ADCY1: variants seen among roughly 807,000 people sequenced by gnomAD.
ADCY1 encodes adenylate cyclase 1.
A neutral mutation model predicts 105.4 loss-of-function variants in ADCY1; 28 were observed. The observed-to-expected ratio is 0.27, with a 90% confidence interval of 0.20 to 0.36. ADCY1 has a LOEUF of 0.36. ADCY1 is among the 10% of genes least tolerant of loss of function. The pLI, the probability that ADCY1 is intolerant of heterozygous loss-of-function variation, is 1.00. For missense variants in ADCY1, 977 were observed against 1,434.2 expected, an observed-to-expected ratio of 0.68 and a Z score of 5.15; for synonymous variants, 655 against 623.8, an observed-to-expected ratio of 1.05 and a Z score of -0.75.
chr7:45,610,382 C>A lies in ADCY1; in HGVS notation c.793C>A (p.Arg265=), dbSNP rs78636118. 6.2e-6 allele frequency: 10 copies of A among 1,613,186 alleles called. No homozygotes were observed. In the African/African-American group the frequency reaches 6.7e-5, roughly 11 times the overall value. ...CGGGCCCTTCTCTTCTGTCCAGGAG[C>A]GGCTCCTCATGAGCCTCCTGCCCCG... ...RLEDENEKQE[R]LLMSLLPRNV... Residue 265 remains arginine, a synonymous_variant, in exon 3 of 20, where the codon CGG becomes AGG. Transcript: ENST00000297323.
chr7:45,713,842 C>T lies in ADCY1; in HGVS notation c.3207C>T (p.Gly1069=). Residue 1069 remains glycine (G), a synonymous_variant, in exon 20 of 20, where the codon GGC becomes GGT. Coordinates refer to ENST00000297323, the MANE Select transcript of ADCY1 (RefSeq NM_021116.4). ...DGNGSQIRSL[G]LDRKMCPFGR... ...ACGGCTCCCAAATCAGGTCCCTGGG[C>T]TTGGATCGGAAAATGTGTCCATTTG... is the stretch of plus-strand genomic sequence containing the variant. The T allele has an allele frequency of 1.3e-6, 1 of 780,878 alleles. No homozygotes were observed. The highest frequency in any genetic ancestry group is 2.4e-6 in the Non-Finnish European group (1 of 418,146). The allele number at this position is 780,878 out of a possible 1,614,324, so 48.4% of individuals were successfully genotyped here.
intron 1 of ADCY1, among the ~76,000 whole-genome samples, chr7:45,592,111 C>G (rs1246271800): frequency 6.7e-6 from 1 of 150,356 alleles, no homozygotes; most frequent in African/African-American, 2.5e-5. Flanking sequence ...TTTGTGCAGG[C>G]TTTGTGGGAA....
intron 8 of ADCY1, among the ~76,000 whole-genome samples, chr7:45,672,327 T>C (rs1413224309): frequency 6.6e-6 from 1 of 152,212 alleles, no homozygotes; most frequent in Admixed American, 6.5e-5. Flanking sequence ...AACACCATAC[T>C]GTCTTGATTA....
intron 5 of ADCY1, among the ~76,000 whole-genome samples, chr7:45,649,782 G>C (rs1794760684): frequency 6.6e-6 from 1 of 152,232 alleles, no homozygotes. Flanking sequence ...GCCGAGCCCT[G>C]TGGGGCAGCG....
intron 14 of ADCY1, among the ~76,000 whole-genome samples, chr7:45,702,339 GC>G (rs1221755846): frequency 1.3e-5 from 2 of 152,342 alleles, no homozygotes; most frequent in Admixed American, 1.3e-4. Flanking sequence ...GGAAACCACG[GC>G]ACAGTGAGGC....
At position 45,719,008 on chromosome 7, in the gene ADCY1, A is replaced by C. The variant is rs903053975; in HGVS notation, c.*5013A>C. ...CACACGGGGTTTGTCTGTAAGCTGC[A>C]GTGTCTGTGATTCTGTGTGAACTGA... On this transcript the variant is annotated 3_prime_UTR_variant, in exon 20 of 20. Transcript: ENST00000297323. The C allele has an allele frequency of 6.5e-6, 1 of 152,864 alleles. No individual in the cohort carries two copies. The highest frequency in any genetic ancestry group is 2.4e-5 in the African/African-American group (1 of 41,472). 9.5% of individuals were successfully genotyped at this position (152,864 alleles called of 1,614,324 possible).
At position 45,717,087 on chromosome 7, in the gene ADCY1, A is replaced by C. The variant is rs1221693387; in HGVS notation, c.*3092A>C. Reference sequence around the variant, plus strand: ...GCGACACCTTGGTTTGGCCTGTGAGACTGAGAAGAGAGCCAGCCACGCCAT... The same window carrying C: ...GCGACACCTTGGTTTGGCCTGTGAGCCTGAGAAGAGAGCCAGCCACGCCAT... On this transcript the variant is annotated 3_prime_UTR_variant, in exon 20 of 20. Coordinates refer to ENST00000297323, the MANE Select transcript of ADCY1 (RefSeq NM_021116.4). 1 of 152,250 alleles carries C rather than the reference A, an allele frequency of 6.6e-6. No individual in the cohort carries two copies. The highest frequency in any genetic ancestry group is 1.5e-5 in the Non-Finnish European group (1 of 68,090). 9.4% of individuals were successfully genotyped at this position (152,250 alleles called of 1,614,324 possible). A position where few individuals can be genotyped will look rare whatever the true frequency, so the allele number is the denominator to read the frequency against.
chr7:45,661,660 A>G (rs1795109635), intron 7 of ADCY1, among the ~76,000 whole-genome samples: 1 of 152,022 alleles, frequency 6.6e-6, no homozygotes. Context: ...AGCCCTCCCC[A>G]TCCTCCCCAT....
At chr7:45,699,398 C>T (rs149789325) in intron 14 of ADCY1, among the ~76,000 whole-genome samples, 1 of 152,142 alleles carries the variant, frequency 6.6e-6, no homozygotes, top group Non-Finnish European at 1.5e-5. Flanking sequence ...AGTCCCCCAT[C>T]TCTGTGAGGT....
intron 4 of ADCY1, among the ~76,000 whole-genome samples, chr7:45,625,185 CAGGG>C (rs1794016893): frequency 1.3e-5 from 2 of 152,164 alleles, no homozygotes; most frequent in Admixed American, 1.3e-4. Context: ...TGCCACTGTC[CAGGG>C]TGTATGGGCG....
intron 4 of ADCY1, among the ~76,000 whole-genome samples, chr7:45,635,634 A>C (rs1794384037): frequency 1.0e-5 from 1 of 99,926 alleles, no homozygotes; most frequent in African/African-American, 4.3e-5. Flanking sequence ...TTTTTTCCAG[A>C]CCCATGGGTT....
Position 45,710,814 on chromosome 7 carries a change from C to T in ADCY1, c.3057+162C>T, listed in dbSNP as rs573439249. Among the ~76,000 whole-genome samples the T allele has an allele frequency of 7.9e-5, 12 of 152,266 alleles. No homozygotes were observed. Among genetic ancestry groups the T allele is most frequent in the Non-Finnish European group, 1.3e-4 (9 of 68,020 alleles). On this transcript the variant is annotated intron_variant, in intron 19 of 19. Coordinates refer to ENST00000297323, the MANE Select transcript of ADCY1 (RefSeq NM_021116.4). This position sits in a 1 kb window ranked among gnomAD's most constrained non-coding sequence, Gnocchi z 4.7. ...GTCTGCTCTGGAGGGCATCCTGGCCCGGGCATCTTGATTTTGCTGTTTGGT... is the reference window on the plus strand; with the variant it reads ...GTCTGCTCTGGAGGGCATCCTGGCCTGGGCATCTTGATTTTGCTGTTTGGT...
At chr7:45,682,055 C>T (rs968370285) in intron 11 of ADCY1, among the ~76,000 whole-genome samples, 4 of 152,174 alleles carry the variant, frequency 2.6e-5, no homozygotes, top group African/African-American at 9.7e-5. Context: ...CTCAGGGTTG[C>T]CCTCTGTGAA....
intron 1 of ADCY1, among the ~76,000 whole-genome samples, chr7:45,588,220 C>T (rs916070138): frequency 3.9e-5 from 6 of 152,134 alleles, no homozygotes; most frequent in South Asian, 2.1e-4. Context: ...TCCTTTGATA[C>T]ACCCCCTCCC....
At chr7:45,671,809 G>A (rs1784372961) in intron 8 of ADCY1, among the ~76,000 whole-genome samples, 1 of 152,018 alleles carries the variant, frequency 6.6e-6, no homozygotes, top group Non-Finnish European at 1.5e-5. Context: ...ATTTTTGAGA[G>A]TTCATGGTAT....
At chr7:45,662,325 C>T in intron 8 of ADCY1, 111 bp downstream of exon 8, 1 of 1,203,206 alleles carries the variant, frequency 8.3e-7, no homozygotes, top group Non-Finnish European at 1.1e-6. Context: ...TCCCTGTTCA[C>T]ATGTGGATAA....
rs1785145606 is a variant in ADCY1, at chr7:45,707,571, C to T, written c.2818-779C>T. Reference sequence around the variant, plus strand: ...AGGGAGGATTTTCAGGGCAGTGAAACTGTTGTATGTAATACTGTCATAGTG... The same window carrying T: ...AGGGAGGATTTTCAGGGCAGTGAAATTGTTGTATGTAATACTGTCATAGTG... On this transcript the variant is annotated intron_variant, in intron 17 of 19. Coordinates refer to ENST00000297323, the MANE Select transcript of ADCY1 (RefSeq NM_021116.4). Among the ~76,000 whole-genome samples the T allele has an allele frequency of 2.6e-5, 4 of 152,254 alleles. No homozygotes were observed. The South Asian group carries it at 8.3e-4, about 32-fold the overall frequency.
chr7:45,703,516 C>G lies in ADCY1; in HGVS notation c.2571+24C>G, dbSNP rs760163601. ...TGGTGAGCACCCAGCCTGCTCCTGG[C>G]CAGCACTAGCCCTACACTGCTCTGG... On this transcript the variant is annotated intron_variant, in intron 15 of 19. Coordinates refer to ENST00000297323, the MANE Select transcript of ADCY1 (RefSeq NM_021116.4). This position sits in a 1 kb window ranked among gnomAD's most constrained non-coding sequence, Gnocchi z 5.9. 2 of 1,613,752 alleles carry G rather than the reference C, an allele frequency of 1.2e-6. No homozygotes were observed. The highest frequency in any genetic ancestry group is 3.3e-5 in the Admixed American group (2 of 59,974).
At chr7:45,649,811 A>G (rs1794761666) in intron 5 of ADCY1, among the ~76,000 whole-genome samples, 1 of 152,222 alleles carries the variant, frequency 6.6e-6, no homozygotes, top group Admixed American at 6.5e-5. Flanking sequence ...ACACGGCTTC[A>G]TGTCAGAGTT....
Sources: gnomAD v4.1 joint callset for allele counts (sites outside exome capture counted in the v4.1 genomes callset) on GRCh38, gnomAD v4.1.1 for gene constraint, Gnocchi (gnomAD v3.1) non-coding constraint, MANE v1.5 for transcripts, NCBI Gene and HGNC (gene_info 2026-07-23, HGNC 2026-07-21) for gene names.